Variants in SIRPA observed in about 807,000 individuals in gnomAD.
SIRPA encodes the protein signal regulatory protein alpha.
SIRPA carries 9 observed loss-of-function variants against 50.3 expected under a neutral mutation model. That is an observed-to-expected ratio of 0.18 (90% CI 0.11 to 0.31). The LOEUF (loss-of-function observed/expected upper bound fraction) is 0.31. SIRPA is among the 10% of genes least tolerant of loss of function. SIRPA has a pLI of 1.00. For missense variants in SIRPA, 474 were observed against 661.6 expected (o/e 0.72, Z 3.11); for synonymous variants, 265 against 284.1 (o/e 0.93, Z 0.68).
intron 1 of SIRPA, 110 bp downstream of exon 1, chr20:1,895,636 G>C (rs1209197275): frequency 2.1e-5 from 17 of 825,350 alleles, no homozygotes; most frequent in Admixed American, 4.3e-5. Flanking sequence ...TAGGGGGAGA[G>C]ACGCCTGTAA....
chr20:1,920,436 T>C (rs1278278420), intron 2 of SIRPA, among the ~76,000 whole-genome samples: 1 of 152,186 alleles, frequency 6.6e-6, no homozygotes, highest in Non-Finnish European at 1.5e-5. Context: ...GGAGACACGT[T>C]TACGACCCAT....
At chr20:1,921,324 C>T (rs1454322971) in intron 2 of SIRPA, 71 bp from the exon 3 acceptor site, 12 of 1,607,962 alleles carry the variant, frequency 7.5e-6, no homozygotes, top group East Asian at 4.5e-5. Flanking sequence ...AGGTTCTTAA[C>T]GTGTCACACA....
intron 1 of SIRPA, among the ~76,000 whole-genome samples, chr20:1,912,131 TGGG>T (rs1384245389): frequency 1.3e-5 from 2 of 150,814 alleles, no homozygotes; most frequent in East Asian, 1.9e-4. Flanking sequence ...AAAAAAAAAA[TGGG>T]GGAGCCAGCG....
upstream of SIRPA, among the ~76,000 whole-genome samples, chr20:1,894,954 C>G (rs972128849): frequency 6.8e-6 from 1 of 146,618 alleles, no homozygotes; most frequent in African/African-American, 2.5e-5. The surrounding 1 kb of genome is among the most constrained non-coding windows in gnomAD (Gnocchi z 4.0). Flanking sequence ...CGTGTGGAGC[C>G]CGGGCGGGGC....
chr20:1,934,834 T>C lies in SIRPA; in HGVS notation c.1266+80T>C. 6.6e-7 allele frequency: 1 copy of C among 1,508,850 alleles called. No individual in the cohort carries two copies. The highest frequency in any genetic ancestry group is 1.7e-5 in the Admixed American group (1 of 59,668). The allele number at this position is 1,508,850 out of a possible 1,614,324, so 93.5% of individuals were successfully genotyped here. ...ACATCAACCGGAATTGCAGATCTGG[T>C]TCTAAATTAAGACTCCTTGTGGGGT... On this transcript the variant is annotated intron_variant, in intron 7 of 7. Coordinates refer to ENST00000358771, the MANE Select transcript of SIRPA (RefSeq NM_001040023.2). The surrounding 1 kb of genome is among the most constrained non-coding windows in gnomAD (Gnocchi z 4.6).
intron 2 of SIRPA, among the ~76,000 whole-genome samples, chr20:1,919,869 G>A (rs562475879): frequency 3.9e-5 from 6 of 152,312 alleles, no homozygotes; most frequent in Admixed American, 3.3e-4. Flanking sequence ...TTTGTCATGA[G>A]CCACAGGGAG....
rs576918320 is a variant in SIRPA at position 1,928,431 on chromosome 20, A to G, written c.1226+532A>G. 4.6e-5 allele frequency among the ~76,000 whole-genome samples: 7 copies of G among 152,112 alleles called. No homozygotes were observed. The highest frequency in any genetic ancestry group is 1.0e-4 in the Non-Finnish European group (7 of 68,020). ...CGATGGCACTTTAGTTTGTTGATTC[A>G]CATTTTTAGTGACTTGAGTCCCTAC... On this transcript the variant is annotated intron_variant, in intron 6 of 7. Coordinates refer to ENST00000358771, the MANE Select transcript of SIRPA (RefSeq NM_001040023.2). This position sits in a 1 kb window ranked among gnomAD's most constrained non-coding sequence, Gnocchi z 4.9.
rs1274671549 is a variant in SIRPA, at chr20:1,940,592, A to C, written c.*3024A>C. 6.6e-6 allele frequency: 1 copy of C among 152,206 alleles called. No individual in the cohort carries two copies. The highest frequency in any genetic ancestry group is 1.5e-5 in the Non-Finnish European group (1 of 68,036). 9.4% of individuals were successfully genotyped at this position (152,206 alleles called of 1,614,324 possible). On this transcript the variant is annotated 3_prime_UTR_variant, in exon 8 of 8. Transcript: ENST00000358771. ...ATAAAGTTAAGGCATAAATATGTTA[A>C]TATTTAGTGGTTACTATGTGTCAAC...
intron 1 of SIRPA, among the ~76,000 whole-genome samples, chr20:1,899,911 T>C (rs975724561): frequency 2.0e-5 from 3 of 152,208 alleles, no homozygotes; most frequent in African/African-American, 7.2e-5. Flanking sequence ...AAGCACTCAA[T>C]ACATATTAAC....
At chr20:1,915,547 G>A in intron 2 of SIRPA, 92 bp downstream of exon 2, 1 of 1,453,674 alleles carries the variant, frequency 6.9e-7, no homozygotes. Flanking sequence ...CAGGTGTGGT[G>A]GTAGGTGCTC....
intron 2 of SIRPA, among the ~76,000 whole-genome samples, chr20:1,916,236 C>T (rs1293778964): frequency 6.6e-6 from 1 of 152,168 alleles, no homozygotes; most frequent in Non-Finnish European, 1.5e-5. Context: ...TATTTACTGC[C>T]AGAGCCCCAG....
chr20:1,926,885 T>C (rs755688498), intron 5 of SIRPA, among the ~76,000 whole-genome samples: 1 of 152,222 alleles, frequency 6.6e-6, no homozygotes, highest in African/African-American at 2.4e-5. Flanking sequence ...ATGCTCACAG[T>C]GAAATGTCCT....
In SIRPA at chr20:1,899,518, G is replaced by A. The variant is rs147493410; in HGVS notation, c.79+3992G>A. Among the ~76,000 whole-genome samples, 150 of 152,274 alleles carry A rather than the reference G, an allele frequency of 9.9e-4. 5 individuals carry two copies. The East Asian group carries it at 0.027, about 27-fold the overall frequency. Reference sequence around the variant, plus strand: ...TGTGGCCTCTCTCCGTTTGGTAAACGGTTTTCTACAGATCCATGCCCTCAG... The same window carrying A: ...TGTGGCCTCTCTCCGTTTGGTAAACAGTTTTCTACAGATCCATGCCCTCAG... On this transcript the variant is annotated intron_variant, in intron 1 of 7. Coordinates refer to ENST00000358771, the MANE Select transcript of SIRPA (RefSeq NM_001040023.2).
At chr20:1,901,369 C>T (rs954182379) in intron 1 of SIRPA, among the ~76,000 whole-genome samples, 2 of 151,912 alleles carry the variant, frequency 1.3e-5, no homozygotes, top group African/African-American at 2.4e-5. Context: ...CTGGGTTTCA[C>T]CATATTGATC....
intron 3 of SIRPA, 22 bp from the exon 4 acceptor site, chr20:1,922,291 C>T (rs1985708006): frequency 6.2e-7 from 1 of 1,613,006 alleles, no homozygotes; most frequent in Middle Eastern, 1.7e-4. Flanking sequence ...AAGGTCAGAG[C>T]TTCTGCCCTG....
intron 1 of SIRPA, among the ~76,000 whole-genome samples, chr20:1,901,462 C>T (rs1208766540): frequency 2.6e-5 from 4 of 152,134 alleles, no homozygotes; most frequent in African/African-American, 9.7e-5. Context: ...TGAGCCACTG[C>T]ACCCGGCCTC....
At chr20:1,900,349 C>G (rs1385352635) in intron 1 of SIRPA, among the ~76,000 whole-genome samples, 1 of 152,144 alleles carries the variant, frequency 6.6e-6, no homozygotes, top group East Asian at 1.9e-4. Flanking sequence ...ATCCACCTCC[C>G]AAAGTGCTGG....
In SIRPA at chr20:1,928,678, G is replaced by A. The variant is rs1986134395; in HGVS notation, c.1226+779G>A. Among the ~76,000 whole-genome samples, 1 of 152,146 alleles carries A rather than the reference G, an allele frequency of 6.6e-6. No homozygotes were observed. The highest frequency in any genetic ancestry group is 2.1e-4 in the South Asian group (1 of 4,826). On this transcript the variant is annotated intron_variant, in intron 6 of 7. Transcript: ENST00000358771. This position sits in a 1 kb window ranked among gnomAD's most constrained non-coding sequence, Gnocchi z 4.9. ...CAGAGGAAGGGACTGCCTCTGAAAA[G>A]GGGATGCAAACGGGTGCCTGAAACT...
intron 1 of SIRPA, among the ~76,000 whole-genome samples, chr20:1,910,713 A>T (rs555285069): frequency 1.3e-5 from 2 of 152,190 alleles, no homozygotes; most frequent in South Asian, 2.1e-4. Flanking sequence ...GATACTATAA[A>T]TATTCTTTTG....
Sources: gnomAD v4.1 joint callset for allele counts (sites outside exome capture counted in the v4.1 genomes callset) on GRCh38, gnomAD v4.1.1 for gene constraint, Gnocchi (gnomAD v3.1) non-coding constraint, MANE v1.5 for transcripts, NCBI Gene and HGNC (gene_info 2026-07-23, HGNC 2026-07-21) for gene names.